TCERG1L: variants seen among roughly 807,000 people sequenced by gnomAD.
TCERG1L encodes transcription elongation regulator 1-like protein.
In TCERG1L, 37 loss-of-function variants were observed where a neutral mutation model predicts 56.3. The observed-to-expected ratio is 0.66, with a 90% CI of 0.51 to 0.87. TCERG1L has a LOEUF of 0.87. Ranked by LOEUF, TCERG1L falls within the 40% of genes least tolerant of loss-of-function variation. TCERG1L has a pLI of 0.00. For missense variants in TCERG1L, 799 were observed against 774.2 expected, an observed-to-expected ratio of 1.03 and a Z score of -0.38; for synonymous variants, 324 against 326.3, an observed-to-expected ratio of 0.99 and a Z score of 0.08.
At chr10:131,165,170 G>A (rs949325689) in intron 5 of TCERG1L, among the ~76,000 whole-genome samples, 15 of 152,332 alleles carry the variant, frequency 9.8e-5, no homozygotes, top group African/African-American at 3.4e-4. Context: ...GTGAAGCTGC[G>A]TCTTGGTGAC....
At chr10:131,292,493 G>A (rs555761548) in intron 3 of TCERG1L, among the ~76,000 whole-genome samples, 6 of 152,186 alleles carry the variant, frequency 3.9e-5, no homozygotes, top group Non-Finnish European at 5.9e-5. Flanking sequence ...ACTGAGATTT[G>A]TCTGTATAAT....
chr10:131,206,870 C>T (rs1001635218), intron 4 of TCERG1L, among the ~76,000 whole-genome samples: 2 of 152,094 alleles, frequency 1.3e-5, no homozygotes, highest in Admixed American at 6.5e-5. Context: ...TCTGGCCAAG[C>T]GAGTGGTGCG....
chr10:131,287,906 G>A (rs2133569616), intron 3 of TCERG1L, among the ~76,000 whole-genome samples: 1 of 152,342 alleles, frequency 6.6e-6, no homozygotes, highest in Non-Finnish European at 1.5e-5. Context: ...TGTGGGCAAA[G>A]TCTGTGCTCT....
At chr10:131,251,034 C>T (rs1846104625) in intron 4 of TCERG1L, among the ~76,000 whole-genome samples, 1 of 151,272 alleles carries the variant, frequency 6.6e-6, no homozygotes, top group Non-Finnish European at 1.5e-5. Flanking sequence ...CCAAATTCTC[C>T]GGCTTGTCGG....
At position 131,181,521 on chromosome 10, in the gene TCERG1L, C is replaced by T. The variant is rs550019499; in HGVS notation, c.857-14636G>A. ...GGAAGATTCAGGCTATGGACAGAGA[C>T]GCTAAACATTCAGTGCCATGCACAG... On this transcript the variant is annotated intron_variant, in intron 4 of 11. Transcript: ENST00000368642. Among the ~76,000 whole-genome samples, 11 of 152,368 alleles carry T rather than the reference C, an allele frequency of 7.2e-5. No homozygotes were observed. In the South Asian group the frequency reaches 1.5e-3, roughly 20 times the overall value.
rs1845480247 is a variant in TCERG1L at position 131,118,280 on chromosome 10, A to G, written c.1260-1346T>C. Among the ~76,000 whole-genome samples the G allele has an allele frequency of 6.6e-6, 1 of 152,192 alleles. No individual in the cohort carries two copies. The highest frequency in any genetic ancestry group is 2.1e-4 in the South Asian group (1 of 4,830). On this transcript the variant is annotated intron_variant, in intron 8 of 11. Coordinates refer to ENST00000368642, the MANE Select transcript of TCERG1L (RefSeq NM_174937.4). This position sits in a 1 kb window ranked among gnomAD's most constrained non-coding sequence, Gnocchi z 4.2. Reference sequence around the variant, plus strand: ...TCGGAGATGTAGGAATGGCATGTACATCTAAAGGCATGGGCCTTACCCGCT... The same window carrying G: ...TCGGAGATGTAGGAATGGCATGTACGTCTAAAGGCATGGGCCTTACCCGCT...
intron 3 of TCERG1L, among the ~76,000 whole-genome samples, chr10:131,262,100 C>G (rs375311628): frequency 6.6e-6 from 1 of 151,952 alleles, no homozygotes; most frequent in Non-Finnish European, 1.5e-5. Context: ...CAGGCTTTGC[C>G]GGCAGACATA....
chr10:131,116,348 C>T (rs940412312), intron 9 of TCERG1L, among the ~76,000 whole-genome samples: 2 of 152,124 alleles, frequency 1.3e-5, no homozygotes, highest in East Asian at 1.9e-4. Flanking sequence ...GGTCGGGCAC[C>T]GCGACTGGCC....
chr10:131,287,466 T>TAC (rs1846558478), intron 3 of TCERG1L, among the ~76,000 whole-genome samples: 1 of 152,234 alleles, frequency 6.6e-6, no homozygotes, highest in East Asian at 1.9e-4. Context: ...AATACAAATC[T>TAC]CACTTAATTT....
intron 3 of TCERG1L, among the ~76,000 whole-genome samples, chr10:131,292,048 A>G (rs1237586737): frequency 6.6e-6 from 1 of 152,202 alleles, no homozygotes; most frequent in Non-Finnish European, 1.5e-5. Flanking sequence ...GACTGTCTCC[A>G]GTTCTCAAAA....
chr10:131,198,032 C>T (rs1241566430), intron 4 of TCERG1L, among the ~76,000 whole-genome samples: 2 of 131,552 alleles, frequency 1.5e-5, no homozygotes, highest in Non-Finnish European at 3.5e-5. Context: ...AGCATCTATG[C>T]TCAGAATTGC....
chr10:131,243,111 TG>T (rs1393275783), intron 4 of TCERG1L, among the ~76,000 whole-genome samples: 3 of 152,132 alleles, frequency 2.0e-5, no homozygotes, highest in African/African-American at 4.8e-5. Context: ...AAAATACCAT[TG>T]TGTGGGGCTG....
intron 4 of TCERG1L, among the ~76,000 whole-genome samples, chr10:131,196,783 A>T (rs11597694): frequency 1.3e-5 from 2 of 152,136 alleles, no homozygotes; most frequent in African/African-American, 4.8e-5. Context: ...TCTACCAAAA[A>T]AGTAGCATTG....
At position 131,267,848 on chromosome 10, in the gene TCERG1L, G is replaced by C. The variant is rs1440484613; in HGVS notation, c.671-7404C>G. Among the ~76,000 whole-genome samples, 3 of 152,182 alleles carry C rather than the reference G, an allele frequency of 2.0e-5. No homozygotes were observed. The highest frequency in any genetic ancestry group is 7.2e-5 in the African/African-American group (3 of 41,448). ...ACTTCGGTGGGGGCTCCAGGGCCTT[G>C]CCAGGCCCGTGCCAGAGTCGAGGGC... On this transcript the variant is annotated intron_variant, in intron 3 of 11. Coordinates refer to ENST00000368642, the MANE Select transcript of TCERG1L (RefSeq NM_174937.4). This position sits in a 1 kb window ranked among gnomAD's most constrained non-coding sequence, Gnocchi z 4.9.
At chr10:131,211,558 G>A (rs1337185357) in intron 4 of TCERG1L, among the ~76,000 whole-genome samples, 1 of 152,202 alleles carries the variant, frequency 6.6e-6, no homozygotes, top group Non-Finnish European at 1.5e-5. Context: ...ACAAGTGAAA[G>A]CAAAGCCCCA....
rs1110081 is a variant in TCERG1L, at chr10:131,126,626, C to G, written c.1259+7753G>C. On this transcript the variant is annotated intron_variant, in intron 8 of 11. Coordinates refer to ENST00000368642, the MANE Select transcript of TCERG1L (RefSeq NM_174937.4). ...GACCGTGTTCATCCAGCTTCAGTGC[C>G]GGCTGCCAGGCTTCCCCAGCAATTA... Among the ~76,000 whole-genome samples the G allele has an allele frequency of 4.4e-3, 667 of 152,308 alleles. 7 individuals carry two copies. The highest frequency in any genetic ancestry group is 0.015 in the African/African-American group (640 of 41,566).
At chr10:131,184,007 G>A (rs762909838) in intron 4 of TCERG1L, among the ~76,000 whole-genome samples, 2 of 152,176 alleles carry the variant, frequency 1.3e-5, no homozygotes, top group Non-Finnish European at 2.9e-5. Context: ...CCAACCTTGG[G>A]GGTTGCCCTA....
At chr10:131,291,478 G>A (rs965242089) in intron 3 of TCERG1L, among the ~76,000 whole-genome samples, 2 of 118,828 alleles carry the variant, frequency 1.7e-5, no homozygotes, top group African/African-American at 6.4e-5. Flanking sequence ...CCAGGTTGGA[G>A]TGCAGTGGCG....
At chr10:131,148,605 T>C (rs1220120934) in intron 6 of TCERG1L, among the ~76,000 whole-genome samples, 3 of 150,014 alleles carry the variant, frequency 2.0e-5, no homozygotes, top group Non-Finnish European at 4.4e-5. Flanking sequence ...CATGCACACG[T>C]AGACACACAC....
Sources: allele counts gnomAD v4.1 joint callset (sites outside exome capture counted in the v4.1 genomes callset), GRCh38; gene constraint gnomAD v4.1.1; non-coding constraint Gnocchi (gnomAD v3.1); transcripts MANE v1.5; gene names NCBI Gene and HGNC (gene_info 2026-07-23, HGNC 2026-07-21).